The following TMEM209 variants were observed in gnomAD, a reference collection of about 807,000 sequenced individuals.
TMEM209 encodes the protein testicular tissue protein Li 202.
In TMEM209, 65 loss-of-function variants were observed where a neutral mutation model predicts 76.2. The observed-to-expected ratio is 0.85, with a 90% CI of 0.70 to 1.05. The LOEUF is 1.05. Ranked by LOEUF, TMEM209 falls within the 50% of genes least tolerant of loss-of-function variation. The pLI, the probability that TMEM209 is intolerant of heterozygous loss-of-function variation, is 0.00. For synonymous variants in TMEM209, 239 were observed against 237.6 expected (o/e 1.01, Z -0.06); for missense variants, 623 against 685.5 (o/e 0.91, Z 1.02).
At chr7:130,170,283 A>C in intron 14 of TMEM209, 117 bp downstream of exon 14, 1 of 821,920 alleles carries the variant, frequency 1.2e-6, no homozygotes, top group Admixed American at 2.6e-5. Flanking sequence ...GGCTGAAGCC[A>C]TTATCTATTG....
At chr7:130,188,866 C>T (rs929559883) in intron 6 of TMEM209, among the ~76,000 whole-genome samples, 1 of 152,126 alleles carries the variant, frequency 6.6e-6, no homozygotes, top group Non-Finnish European at 1.5e-5. Flanking sequence ...ATGTTGTATT[C>T]TTGCCAGAAA....
At chr7:130,183,433 C>A (rs1562890222) in intron 8 of TMEM209, among the ~76,000 whole-genome samples, 2 of 152,150 alleles carry the variant, frequency 1.3e-5, no homozygotes, top group South Asian at 4.1e-4. Context: ...AAGTAGGCTA[C>A]CATTTTTTGC....
intron 8 of TMEM209, chr7:130,182,167 C>G (rs1352560187): frequency 6.4e-6 from 1 of 155,326 alleles, no homozygotes; most frequent in African/African-American, 2.4e-5. Flanking sequence ...GTCTTGAACT[C>G]CTGACCTCAG....
intron 6 of TMEM209, among the ~76,000 whole-genome samples, chr7:130,187,415 T>C (rs17325643): frequency 0.15 from 23,077 of 152,062 alleles, 2,375 homozygotes; most frequent in Middle Eastern, 0.23. Flanking sequence ...GAGAATTTTG[T>C]AGGCCTTGAG....
At chr7:130,171,765 G>A (rs1203933936) in intron 13 of TMEM209, among the ~76,000 whole-genome samples, 1 of 152,134 alleles carries the variant, frequency 6.6e-6, no homozygotes, top group Non-Finnish European at 1.5e-5. Context: ...GGCAGCTCAT[G>A]CCTGTTATCA....
chr7:130,186,041 C>A (rs1293147995), intron 6 of TMEM209, among the ~76,000 whole-genome samples: 1 of 152,160 alleles, frequency 6.6e-6, no homozygotes, highest in South Asian at 2.1e-4. Flanking sequence ...ATTTGAGCTC[C>A]TTGAAAGCAG....
intron 13 of TMEM209, among the ~76,000 whole-genome samples, chr7:130,171,369 A>G (rs1797061214): frequency 6.6e-6 from 1 of 152,140 alleles, no homozygotes; most frequent in African/African-American, 2.4e-5. Flanking sequence ...AACAGCTCCT[A>G]ATTTAGATTT....
chr7:130,173,988 A>G (rs1355686347), intron 11 of TMEM209, 49 bp from the exon 12 acceptor site: 2 of 1,262,840 alleles, frequency 1.6e-6, no homozygotes, highest in East Asian at 2.3e-5. Context: ...AAAATCTAGC[A>G]TGGATGTAGA....
chr7:130,184,122 A>G (rs1797514210), intron 8 of TMEM209, 62 bp downstream of exon 8: 1 of 1,123,732 alleles, frequency 8.9e-7, no homozygotes, highest in Non-Finnish European at 1.3e-6. Flanking sequence ...ATGATATTCT[A>G]ATAACATGCT....
intron 13 of TMEM209, among the ~76,000 whole-genome samples, chr7:130,172,218 G>T (rs1366616251): frequency 6.6e-6 from 1 of 152,072 alleles, no homozygotes; most frequent in African/African-American, 2.4e-5. Context: ...AAGTAATTTG[G>T]TAACATGTTA....
rs762160429 is a variant in TMEM209, at chr7:130,181,610, T to C, written c.1120+13A>G. ...CTAATAGAAATCCAACACTGGGCTC[T>C]GTTTTCACATACCTCCTATCTGTAG... On this transcript the variant is annotated intron_variant, in intron 9 of 14. Coordinates refer to ENST00000397622, the MANE Select transcript of TMEM209 (RefSeq NM_032842.4). 2 of 1,604,950 alleles carry C rather than the reference T, an allele frequency of 1.2e-6. No individual in the cohort carries two copies. Among genetic ancestry groups the C allele is most frequent in the Non-Finnish European group, 1.7e-6 (2 of 1,174,548 alleles).
intron 11 of TMEM209, among the ~76,000 whole-genome samples, chr7:130,174,813 A>G (rs1797182012): frequency 6.6e-6 from 1 of 152,198 alleles, no homozygotes; most frequent in African/African-American, 2.4e-5. Flanking sequence ...TCTCCACCAC[A>G]AGTGTCTCAA....
At chr7:130,190,021 G>A (rs1411085222) in intron 6 of TMEM209, among the ~76,000 whole-genome samples, 1 of 152,136 alleles carries the variant, frequency 6.6e-6, no homozygotes, top group Non-Finnish European at 1.5e-5. Flanking sequence ...TTAGCTCAAA[G>A]AATGATAGTG....
At chr7:130,180,455 G>A (rs548849594) in intron 9 of TMEM209, among the ~76,000 whole-genome samples, 3 of 151,788 alleles carry the variant, frequency 2.0e-5, no homozygotes, top group African/African-American at 4.8e-5. Context: ...TGCAACCTCC[G>A]CCTCCAGGGT....
intron 6 of TMEM209, among the ~76,000 whole-genome samples, chr7:130,189,219 C>A (rs73146711): frequency 0.17 from 25,954 of 152,102 alleles, 2,775 homozygotes; most frequent in Middle Eastern, 0.24. Context: ...TTCTTTGAGA[C>A]AGAGTCTCAC....
intron 13 of TMEM209, among the ~76,000 whole-genome samples, chr7:130,173,167 G>T (rs1797128753): frequency 6.6e-6 from 1 of 152,034 alleles, no homozygotes; most frequent in Non-Finnish European, 1.5e-5. Context: ...GTAACATGGA[G>T]AGACTCTGTC....
intron 5 of TMEM209, among the ~76,000 whole-genome samples, chr7:130,196,089 C>T (rs1051012133): frequency 2.0e-5 from 3 of 152,000 alleles, no homozygotes; most frequent in Non-Finnish European, 2.9e-5. Context: ...ATATTAATAA[C>T]TTTTAGAAGA....
At position 130,199,512 on chromosome 7, in the gene TMEM209, GC is replaced by G. The variant is rs546233950; in HGVS notation, c.573+2337del. Among the ~76,000 whole-genome samples the G allele has an allele frequency of 2.9e-3, 435 of 152,154 alleles. 2 individuals are homozygous for G. Among genetic ancestry groups the G allele is most frequent in the Admixed American group, 0.015 (229 of 15,278 alleles). ...TGGGATTACAGGCGTGACCCGCTGC[GC>G]CCAGCCGTCACCTTTACTTTCTTTT... On this transcript the variant is annotated intron_variant, in intron 5 of 14. Transcript: ENST00000397622.
At chr7:130,182,901 C>G (rs1169800585) in intron 8 of TMEM209, among the ~76,000 whole-genome samples, 3 of 152,166 alleles carry the variant, frequency 2.0e-5, no homozygotes, top group Non-Finnish European at 1.5e-5. Context: ...CTTTATCCCA[C>G]TGAGTGTGAC....
Sources: allele counts gnomAD v4.1 joint callset (sites outside exome capture counted in the v4.1 genomes callset), GRCh38; gene constraint gnomAD v4.1.1; transcripts MANE v1.5; gene names NCBI Gene and HGNC (gene_info 2026-07-23, HGNC 2026-07-21).